SGPP2: variants seen among roughly 807,000 people sequenced by gnomAD.
The protein encoded by SGPP2 is sphingosine-1-phosphate phosphatase 2, also known as sphingosine 1-phosphate phosphohydrolase 2.
A neutral mutation model predicts 33.9 loss-of-function variants in SGPP2; 30 were observed. That is an observed-to-expected ratio of 0.89 (90% CI 0.66 to 1.20). The LOEUF (loss-of-function observed/expected upper bound fraction) is 1.20, where lower values mean the gene tolerates loss of function less well. Ranked by LOEUF, SGPP2 falls within the 50% of genes most tolerant of loss-of-function variation. SGPP2 has a pLI of 0.00. For missense variants in SGPP2, 458 were observed against 532.1 expected (o/e 0.86, Z 1.37); for synonymous variants, 233 against 225.0 (o/e 1.04, Z -0.32).
At chr2:222,442,027 G>T (rs1449972866) in intron 1 of SGPP2, among the ~76,000 whole-genome samples, 1 of 152,168 alleles carries the variant, frequency 6.6e-6, no homozygotes, top group Non-Finnish European at 1.5e-5. Flanking sequence ...CACATGAAAT[G>T]CTAAGAACTT....
chr2:222,529,659 C>A (rs899224145), intron 4 of SGPP2, among the ~76,000 whole-genome samples: 5 of 152,132 alleles, frequency 3.3e-5, no homozygotes, highest in African/African-American at 1.2e-4. Context: ...TCATATCTGC[C>A]GTTACTTCCT....
chr2:222,522,026 C>A, intron 3 of SGPP2, 80 bp downstream of exon 3: 1 of 1,330,344 alleles, frequency 7.5e-7, no homozygotes, highest in Non-Finnish European at 1.0e-6. Flanking sequence ...TCTCTTAAAG[C>A]TGCTTTGAGG....
At chr2:222,442,431 C>A (rs1217389697) in intron 1 of SGPP2, among the ~76,000 whole-genome samples, 2 of 152,136 alleles carry the variant, frequency 1.3e-5, no homozygotes, top group African/African-American at 4.8e-5. Context: ...AAAATATTAT[C>A]TGACAGACTT....
rs529160222 is a variant in SGPP2, at chr2:222,545,131, A to G, written c.649-13216A>G. On this transcript the variant is annotated intron_variant, in intron 4 of 4. Transcript: ENST00000321276. ...GAGGAAAGATTTTAGACTTTACTGC[A>G]ATGAAAAATAGCTCTACTTTTTCCA... Among the ~76,000 whole-genome samples, 13 of 152,318 alleles carry G rather than the reference A, an allele frequency of 8.5e-5. No homozygotes were observed. The East Asian group carries it at 2.5e-3, about 29-fold the overall frequency.
chr2:222,451,109 G>C (rs2106075585), intron 1 of SGPP2, among the ~76,000 whole-genome samples: 1 of 138,876 alleles, frequency 7.2e-6, no homozygotes, highest in South Asian at 2.4e-4. Context: ...TTAATGAAAA[G>C]TAGCAAATGA....
At chr2:222,454,187 TTC>T (rs1376612057) in intron 1 of SGPP2, among the ~76,000 whole-genome samples, 1 of 152,200 alleles carries the variant, frequency 6.6e-6, no homozygotes, top group African/African-American at 2.4e-5. Context: ...ACAGAAAATT[TTC>T]TCTCTAACCT....
At position 222,476,822 on chromosome 2, in the gene SGPP2, GTGTGTATA is replaced by G. The variant is rs951141412; in HGVS notation, c.378+2104_378+2111del. Among the ~76,000 whole-genome samples, 1 of 151,728 alleles carries G rather than the reference GTGTGTATA, an allele frequency of 6.6e-6. No individual in the cohort carries two copies. Among genetic ancestry groups the G allele is most frequent in the Admixed American group, 6.6e-5 (1 of 15,238 alleles). The stretch of plus-strand genomic sequence containing the variant: ...TGTATATCCGTGCGTGTATATAGGT[GTGTGTATA>G]TGTGTATGTGTGTATATAGGTGTGT... On this transcript the variant is annotated intron_variant, in intron 2 of 4. Coordinates refer to ENST00000321276, the MANE Select transcript of SGPP2 (RefSeq NM_152386.4). This position sits in a 1 kb window ranked among gnomAD's most constrained non-coding sequence, Gnocchi z 4.3.
At chr2:222,429,422 A>T (rs1477817948) in intron 1 of SGPP2, among the ~76,000 whole-genome samples, 1 of 152,252 alleles carries the variant, frequency 6.6e-6, no homozygotes, top group African/African-American at 2.4e-5. Context: ...TTGGATGCTT[A>T]CATCTGAAAT....
chr2:222,507,234 A>G (rs1698458443), intron 2 of SGPP2, among the ~76,000 whole-genome samples: 1 of 152,182 alleles, frequency 6.6e-6, no homozygotes, highest in South Asian at 2.1e-4. Flanking sequence ...TTAACCTATG[A>G]AAAAGTCCTG....
chr2:222,520,774 G>A (rs1340212428), intron 2 of SGPP2, among the ~76,000 whole-genome samples: 1 of 145,824 alleles, frequency 6.9e-6, no homozygotes, highest in African/African-American at 2.5e-5. Flanking sequence ...TTTTTTTTGA[G>A]ACAGGGTCTT....
intron 2 of SGPP2, among the ~76,000 whole-genome samples, chr2:222,475,525 A>C (rs1270313382): frequency 1.3e-5 from 2 of 152,198 alleles, no homozygotes; most frequent in African/African-American, 2.4e-5. Flanking sequence ...CAATACCTCC[A>C]AGCAGTATTA....
chr2:222,481,666 C>A (rs1470298390), intron 2 of SGPP2, among the ~76,000 whole-genome samples: 2 of 152,158 alleles, frequency 1.3e-5, no homozygotes, highest in Admixed American at 1.3e-4. Flanking sequence ...CCTTTACAGG[C>A]CATTTAATGT....
intron 4 of SGPP2, among the ~76,000 whole-genome samples, chr2:222,553,443 T>G (rs537882068): frequency 6.6e-6 from 1 of 152,224 alleles, no homozygotes; most frequent in Non-Finnish European, 1.5e-5. Flanking sequence ...GAAACCCATG[T>G]CATAGAAGAC....
intron 2 of SGPP2, chr2:222,504,884 CTATT>C (rs1435118220): frequency 6.6e-6 from 1 of 152,158 alleles, no homozygotes; most frequent in Non-Finnish European, 1.5e-5. Flanking sequence ...GGTGAGGCTT[CTATT>C]TAGTGGAGAG....
chr2:222,500,113 G>C (rs1378621132), intron 2 of SGPP2, among the ~76,000 whole-genome samples: 1 of 152,190 alleles, frequency 6.6e-6, no homozygotes, highest in Non-Finnish European at 1.5e-5. Context: ...TCCAGGCTTG[G>C]ATACTCTGTC....
chr2:222,541,695 C>T (rs543715792), intron 4 of SGPP2, among the ~76,000 whole-genome samples: 1 of 152,166 alleles, frequency 6.6e-6, no homozygotes, highest in South Asian at 2.1e-4. Context: ...TTCACTACAA[C>T]CTCTGCCTCC....
rs560552914 is a variant in SGPP2, at chr2:222,460,759, G to T, written c.220-13809G>T. ...GACCAGGTACTGTTTCAGGAACACGGTGCCTCACAGCTTCCATGCCTCTCC... is the reference window on the plus strand; with the variant it reads ...GACCAGGTACTGTTTCAGGAACACGTTGCCTCACAGCTTCCATGCCTCTCC... On this transcript the variant is annotated intron_variant, in intron 1 of 4. Transcript: ENST00000321276. This position sits in a 1 kb window ranked among gnomAD's most constrained non-coding sequence, Gnocchi z 4.3. Among the ~76,000 whole-genome samples the T allele has an allele frequency of 6.6e-6, 1 of 152,250 alleles. No individual in the cohort carries two copies. Among genetic ancestry groups the T allele is most frequent in the African/African-American group, 2.4e-5 (1 of 41,548 alleles).
At chr2:222,445,523 A>C (rs1221342341) in intron 1 of SGPP2, among the ~76,000 whole-genome samples, 1 of 152,118 alleles carries the variant, frequency 6.6e-6, no homozygotes, top group Non-Finnish European at 1.5e-5. Context: ...GGCCTAGAAA[A>C]TTCCAGAGAG....
chr2:222,553,673 G>C lies in SGPP2; in HGVS notation c.649-4674G>C, dbSNP rs1380097746. On this transcript the variant is annotated intron_variant, in intron 4 of 4. Transcript: ENST00000321276. ...GTGGCCTAGAGGTATGAGGAAGAAA[G>C]GATTCGTCCTTTTGGACGTCCCTCT... Among the ~76,000 whole-genome samples, 12 of 152,204 alleles carry C rather than the reference G, an allele frequency of 7.9e-5. No individual in the cohort carries two copies. In the East Asian group the frequency reaches 2.3e-3, roughly 29 times the overall value.
Sources: gnomAD v4.1 joint callset for allele counts (sites outside exome capture counted in the v4.1 genomes callset) on GRCh38, gnomAD v4.1.1 for gene constraint, Gnocchi (gnomAD v3.1) non-coding constraint, MANE v1.5 for transcripts, NCBI Gene and HGNC (gene_info 2026-07-23, HGNC 2026-07-21) for gene names.